The following CELSR1 variants were observed in gnomAD, a reference collection of about 807,000 sequenced individuals.
CELSR1 encodes the protein cadherin EGF LAG seven-pass G-type receptor 1, also known as adhesion G protein-coupled receptor C1.
Under a neutral mutation model 249.1 loss-of-function variants are expected in CELSR1, and 110 were observed. The observed-to-expected ratio is 0.44, with a 90% CI of 0.38 to 0.52. CELSR1 has a LOEUF of 0.52. Among genes scored for constraint, CELSR1 ranks in the 20% least tolerant of loss-of-function variants. The pLI is 0.00. For missense variants in CELSR1, 4,109 were observed against 4,296.4 expected (o/e 0.96, Z 1.22); for synonymous variants, 2,113 against 1,900.0 (o/e 1.11, Z -2.92).
chr22:46,399,771 C>T lies in CELSR1; in HGVS notation c.5358G>A (p.Glu1786=). The T allele has an allele frequency of 6.2e-7, 1 of 1,614,084 alleles. No homozygotes were observed. Among genetic ancestry groups the T allele is most frequent in the Non-Finnish European group, 8.5e-7 (1 of 1,179,976 alleles). ...TGACCAGGTGCTTCATCTCACTGTC[C>T]TCCTTAACATTCTTCAGCTCGATCA... is the stretch of plus-strand genomic sequence containing the variant. ...HLLIELKNVK[E]DSEMKHLVTM... is the part of the protein sequence containing the mutation. Residue 1786 remains glutamate, a synonymous_variant, in exon 10 of 35, where the codon GAG becomes GAA. Coordinates refer to ENST00000674500, the MANE Select transcript of CELSR1 (RefSeq NM_001378328.1). The surrounding 1 kb of genome is among the most constrained non-coding windows in gnomAD (Gnocchi z 5.0).
chr22:46,372,733 C>T (rs1451694779), intron 25 of CELSR1, 150 bp downstream of exon 25: 3 of 978,706 alleles, frequency 3.1e-6, no homozygotes, highest in African/African-American at 3.3e-5. Flanking sequence ...TGTGCATGCA[C>T]TCGCAGTGTG....
rs538930495 is a variant in CELSR1 at position 46,394,278 on chromosome 22, G to A, written c.5844-16C>T. 1 of 1,609,578 alleles carries A rather than the reference G, an allele frequency of 6.2e-7. No individual in the cohort carries two copies. The highest frequency in any genetic ancestry group is 1.1e-5 in the South Asian group (1 of 90,698). ...AAGGTCGAGTCTGTGGGGAAAATAA[G>A]AGGGCAGCTGGAAGGTTTATGTAAC... On this transcript the variant is annotated splice_polypyrimidine_tract_variant and intron_variant, in intron 13 of 34. Coordinates refer to ENST00000674500, the MANE Select transcript of CELSR1 (RefSeq NM_001378328.1).
In CELSR1 at chr22:46,471,538, T is replaced by C. The variant is rs1025008002; in HGVS notation, c.3545-7193A>G. ...CTGAGAAGCTAGGACTACAGGAGCA[T>C]GCCACCATGCCTGGCTGGGTTTTCT... is the stretch of plus-strand genomic sequence containing the variant. On this transcript the variant is annotated intron_variant, in intron 1 of 34. Transcript: ENST00000674500. This position sits in a 1 kb window ranked among gnomAD's most constrained non-coding sequence, Gnocchi z 4.9. 3.3e-5 allele frequency among the ~76,000 whole-genome samples: 5 copies of C among 152,100 alleles called. No homozygotes were observed. The highest frequency in any genetic ancestry group is 6.6e-5 in the Admixed American group (1 of 15,236).
intron 20 of CELSR1, among the ~76,000 whole-genome samples, chr22:46,382,483 A>C (rs1261424322): frequency 6.6e-6 from 1 of 152,028 alleles, no homozygotes; most frequent in East Asian, 1.9e-4. Flanking sequence ...TCACCTTGTT[A>C]GCCAGGATGG....
chr22:46,452,828 G>C (rs1381022346), intron 2 of CELSR1, among the ~76,000 whole-genome samples: 1 of 152,258 alleles, frequency 6.6e-6, no homozygotes, highest in African/African-American at 2.4e-5. Flanking sequence ...CCTTGGCCCA[G>C]CACATGCCAA....
At chr22:46,382,085 G>A in intron 20 of CELSR1, 35 bp from the exon 21 acceptor site, 3 of 1,472,840 alleles carry the variant, frequency 2.0e-6, no homozygotes, top group East Asian at 2.5e-5. Context: ...ACTCTGGCAG[G>A]AGCACCTGTG....
chr22:46,502,577 G>A (rs2080477561), intron 1 of CELSR1, among the ~76,000 whole-genome samples: 1 of 152,092 alleles, frequency 6.6e-6, no homozygotes, highest in Non-Finnish European at 1.5e-5. Flanking sequence ...GGTGATCAAA[G>A]TCACTAGTGA....
chr22:46,422,042 A>G (rs1286874965), intron 5 of CELSR1, among the ~76,000 whole-genome samples: 1 of 152,262 alleles, frequency 6.6e-6, no homozygotes, highest in East Asian at 1.9e-4. Context: ...GGCTTAATTA[A>G]CTTTGTAAAA....
At chr22:46,466,967 G>A (rs1473601257) in intron 1 of CELSR1, among the ~76,000 whole-genome samples, 1 of 152,164 alleles carries the variant, frequency 6.6e-6, no homozygotes, top group Non-Finnish European at 1.5e-5. Flanking sequence ...TACCAGCCAG[G>A]AAAACAAAGC....
rs2080159742 is a variant in CELSR1, at chr22:46,471,941, G to A, written c.3545-7596C>T. ...TTTCTGCCTCACGCTGTCCCCCGTGGTTTCATTTCTGTGTGTGAGTACAGG... is the reference window on the plus strand; with the variant it reads ...TTTCTGCCTCACGCTGTCCCCCGTGATTTCATTTCTGTGTGTGAGTACAGG... On this transcript the variant is annotated intron_variant, in intron 1 of 34. Transcript: ENST00000674500. The surrounding 1 kb of genome is among the most constrained non-coding windows in gnomAD (Gnocchi z 4.9). Among the ~76,000 whole-genome samples, 1 of 152,152 alleles carries A rather than the reference G, an allele frequency of 6.6e-6. No individual in the cohort carries two copies. Among genetic ancestry groups the A allele is most frequent in the African/African-American group, 2.4e-5 (1 of 41,448 alleles).
intron 1 of CELSR1, among the ~76,000 whole-genome samples, chr22:46,525,411 T>A (rs1340613977): frequency 6.7e-6 from 1 of 149,228 alleles, no homozygotes; most frequent in Non-Finnish European, 1.5e-5. Flanking sequence ...ATCGCACCAT[T>A]GCACTCCAGC....
intron 2 of CELSR1, among the ~76,000 whole-genome samples, chr22:46,442,289 C>T (rs766498936): frequency 1.3e-5 from 2 of 152,264 alleles, no homozygotes; most frequent in South Asian, 2.1e-4. Context: ...ACTCAGATTC[C>T]GCCTCCCGGC....
chr22:46,391,673 G>A lies in CELSR1; in HGVS notation c.6108C>T (p.Cys2036=), dbSNP rs139684569. The change falls in exon 15 of 35, where the codon TGC becomes TGT. Residue 2036 remains cysteine, a synonymous_variant. Transcript: ENST00000674500. The surrounding 1 kb of genome is among the most constrained non-coding windows in gnomAD (Gnocchi z 4.3). ...PGVIGRQCNR[C]DNPFAEVTTL... ...TGGTGACCTCGGCAAACGGGTTGTC[G>A]CAGCGGTTGCACTGGCGGCCGATGA... The A allele has an allele frequency of 4.3e-4, 686 of 1,607,780 alleles. 4 individuals carry two copies. The African/African-American group carries it at 8.3e-3, about 19-fold the overall frequency.
intron 5 of CELSR1, among the ~76,000 whole-genome samples, chr22:46,426,925 T>TA (rs2079543969): frequency 1.3e-5 from 2 of 152,192 alleles, no homozygotes; most frequent in Admixed American, 6.5e-5. Context: ...GGTTTGTAAG[T>TA]ACCCAGCCTT....
Position 46,506,539 on chromosome 22 carries a change from C to G in CELSR1, c.3544+27088G>C, listed in dbSNP as rs537736288. Among the ~76,000 whole-genome samples the G allele has an allele frequency of 7.2e-5, 11 of 152,340 alleles. No individual in the cohort carries two copies. In the East Asian group the frequency reaches 1.2e-3, roughly 16 times the overall value. ...CAGCCTCAGCCCCAGCCCCAGCCCC[C>G]CAAGTCTCACAAGTCCAGAGAGCTG... On this transcript the variant is annotated intron_variant, in intron 1 of 34. Coordinates refer to ENST00000674500, the MANE Select transcript of CELSR1 (RefSeq NM_001378328.1). The surrounding 1 kb of genome is among the most constrained non-coding windows in gnomAD (Gnocchi z 4.1).
At chr22:46,513,776 G>C (rs1313464189) in intron 1 of CELSR1, among the ~76,000 whole-genome samples, 1 of 152,096 alleles carries the variant, frequency 6.6e-6, no homozygotes, top group Non-Finnish European at 1.5e-5. Context: ...CCATAGATAA[G>C]TTTATTAATA....
In CELSR1 at chr22:46,448,527, A is replaced by G. The variant is rs116164610; in HGVS notation, c.4184-9116T>C. 2,551 of 434,700 alleles carry G rather than the reference A, an allele frequency of 5.9e-3. 53 individuals carry two copies. Among genetic ancestry groups the G allele is most frequent in the African/African-American group, 0.048 (2,338 of 49,042 alleles). The allele number at this position is 434,700 out of a possible 1,614,324, so 26.9% of individuals were successfully genotyped here. On this transcript the variant is annotated intron_variant, in intron 2 of 34. Coordinates refer to ENST00000674500, the MANE Select transcript of CELSR1 (RefSeq NM_001378328.1). This position sits in a 1 kb window ranked among gnomAD's most constrained non-coding sequence, Gnocchi z 5.7. ...GTAAAGATTGACCACTTAAGTTCTT[A>G]AATAAATAAAAAGACAATTCCTTTC...
At chr22:46,420,933 G>C (rs1263509248) in intron 5 of CELSR1, among the ~76,000 whole-genome samples, 1 of 152,170 alleles carries the variant, frequency 6.6e-6, no homozygotes, top group Non-Finnish European at 1.5e-5. Context: ...GGCCGGGGAT[G>C]GTCACGGCAG....
Position 46,382,013 on chromosome 22 carries a change from G to T in CELSR1, c.6921C>A (p.Thr2307=), listed in dbSNP as rs773227197. ...CAGGCCCCGGGCGCGTGGTCTGCGG[G>T]GTGGTCCTCCGGCCAGCCGGCCTCA... is the stretch of plus-strand genomic sequence containing the variant. ...PLLRPAGRRT[T]PQTTRPGPGT... The change falls in exon 21 of 35, where the codon ACC becomes ACA. Residue 2307 remains threonine (T), a synonymous_variant. Coordinates refer to ENST00000674500, the MANE Select transcript of CELSR1 (RefSeq NM_001378328.1). 2 of 1,558,876 alleles carry T rather than the reference G, an allele frequency of 1.3e-6. No homozygotes were observed. Among genetic ancestry groups the T allele is most frequent in the East Asian group, 2.4e-5 (1 of 41,724 alleles).
Sources: gnomAD v4.1 joint callset for allele counts (sites outside exome capture counted in the v4.1 genomes callset) on GRCh38, gnomAD v4.1.1 for gene constraint, Gnocchi (gnomAD v3.1) non-coding constraint, MANE v1.5 for transcripts, NCBI Gene and HGNC (gene_info 2026-07-23, HGNC 2026-07-21) for gene names.